Variants in PLCG2 observed in about 807,000 individuals in gnomAD.
The protein encoded by PLCG2 is phospholipase C gamma 2.
In PLCG2, 69 loss-of-function variants were observed where a neutral mutation model predicts 175.6. The observed-to-expected ratio is 0.39, with a 90% CI of 0.32 to 0.48. PLCG2 has a LOEUF of 0.48. Among genes scored for constraint, PLCG2 ranks in the 20% least tolerant of loss-of-function variants. The pLI is 0.91. For synonymous variants in PLCG2, 827 were observed against 624.0 expected (o/e 1.33, Z -4.85); for missense variants, 1,798 against 1,650.9 (o/e 1.09, Z -1.54).
chr16:81,942,377 C>G (rs1182428628), intron 30 of PLCG2, among the ~76,000 whole-genome samples: 2 of 152,206 alleles, frequency 1.3e-5, no homozygotes, highest in African/African-American at 4.8e-5. Flanking sequence ...TGACCTTCTC[C>G]TCCCCCGACT....
rs1280598055 is a variant in PLCG2 at position 81,892,617 on chromosome 16, T to C, written c.986+1027T>C. 2.0e-5 allele frequency among the ~76,000 whole-genome samples: 3 copies of C among 151,980 alleles called. No individual in the cohort carries two copies. In the East Asian group the frequency reaches 5.9e-4, roughly 30 times the overall value. On this transcript the variant is annotated intron_variant, in intron 11 of 32. Transcript: ENST00000564138. Reference sequence around the variant, plus strand: ...GTTTGTGTTTCAGCATGGTGAATTCTAGAAAACCTAGAAGACAGTTAAGAA... The same window carrying C: ...GTTTGTGTTTCAGCATGGTGAATTCCAGAAAACCTAGAAGACAGTTAAGAA...
intron 5 of PLCG2, among the ~76,000 whole-genome samples, chr16:81,860,172 A>ATTTTT (rs1555513300): frequency 4.8e-4 from 58 of 120,612 alleles, no homozygotes; most frequent in South Asian, 3.2e-3. Context: ...TATTATTATT[A>ATTTTT]TTTTTTTTTT....
chr16:81,755,210 T>A (rs900328649), intron 1 of PLCG2, among the ~76,000 whole-genome samples: 12 of 151,890 alleles, frequency 7.9e-5, no homozygotes, highest in African/African-American at 2.9e-4. Flanking sequence ...ATATATATAT[T>A]TTTTGAGACA....
intron 2 of PLCG2, among the ~76,000 whole-genome samples, chr16:81,819,373 T>C (rs1278727339): frequency 6.6e-6 from 1 of 152,146 alleles, no homozygotes; most frequent in African/African-American, 2.4e-5. Flanking sequence ...GTACCAACCC[T>C]GTGAGGCGAG....
intron 2 of PLCG2, among the ~76,000 whole-genome samples, chr16:81,815,485 A>T (rs1300553338): frequency 1.3e-5 from 2 of 152,172 alleles, no homozygotes; most frequent in African/African-American, 4.8e-5. Flanking sequence ...CCTCATTTGC[A>T]TCTTTAACAC....
chr16:81,906,114 T>C (rs185613022), intron 15 of PLCG2: 1 of 152,228 alleles, frequency 6.6e-6, no homozygotes, highest in African/African-American at 2.4e-5. Flanking sequence ...ATAGTATAAT[T>C]AGCGCAATCA....
At chr16:81,921,015 G>C (rs1910038232) in intron 20 of PLCG2, among the ~76,000 whole-genome samples, 183 bp from the exon 21 acceptor site, 1 of 152,162 alleles carries the variant, frequency 6.6e-6, no homozygotes, top group Non-Finnish European at 1.5e-5. Context: ...TAGTTTCCAA[G>C]TCTGGGGACC....
intron 2 of PLCG2, among the ~76,000 whole-genome samples, chr16:81,843,309 C>G (rs189576306): frequency 2.0e-5 from 3 of 152,308 alleles, no homozygotes; most frequent in Admixed American, 2.0e-4. Flanking sequence ...TGGTGGAAAT[C>G]TTTTGGTACC....
At chr16:81,829,245 A>C (rs1474532626) in intron 2 of PLCG2, among the ~76,000 whole-genome samples, 1 of 152,102 alleles carries the variant, frequency 6.6e-6, no homozygotes, top group African/African-American at 2.4e-5. Flanking sequence ...AGTAGCTGGG[A>C]TTACATGCAC....
At chr16:81,872,066 C>T (rs531859829) in intron 7 of PLCG2, among the ~76,000 whole-genome samples, 2 of 152,248 alleles carry the variant, frequency 1.3e-5, no homozygotes, top group South Asian at 2.1e-4. Context: ...CAGTGGTTGA[C>T]GCCTGTAACC....
At chr16:81,835,112 T>A (rs1905447306) in intron 2 of PLCG2, among the ~76,000 whole-genome samples, 1 of 152,126 alleles carries the variant, frequency 6.6e-6, no homozygotes, top group Non-Finnish European at 1.5e-5. Flanking sequence ...GTCAGCTCTG[T>A]TATTGATTCA....
At chr16:81,749,415 T>C (rs1416057641) in intron 1 of PLCG2, among the ~76,000 whole-genome samples, 5 of 152,196 alleles carry the variant, frequency 3.3e-5, no homozygotes, top group Admixed American at 2.0e-4. Context: ...TGCAGTGGTG[T>C]GATCTTGGCT....
At chr16:81,786,239 A>C in intron 2 of PLCG2, 57 bp downstream of exon 2, 1 of 1,351,400 alleles carries the variant, frequency 7.4e-7, no homozygotes, top group Admixed American at 1.9e-5. Flanking sequence ...TGGCCTGAGC[A>C]CCTGTCCACC....
At position 81,935,723 on chromosome 16, in the gene PLCG2, C is replaced by T. The variant is rs556428054; in HGVS notation, c.2843-446C>T. 4.1e-6 allele frequency: 4 copies of T among 985,322 alleles called. No homozygotes were observed. In the East Asian group the frequency reaches 3.4e-4, roughly 84 times the overall value. The allele number at this position is 985,322 out of a possible 1,614,324, so 61.0% of individuals were successfully genotyped here. A position where few individuals can be genotyped will look rare whatever the true frequency, so the allele number is the denominator to read the frequency against. ...CTCTCCTCCTGTTCTCCCTTCCCTG[C>T]ACAGGCACCCACATTGCAACCCTAC... On this transcript the variant is annotated intron_variant, in intron 26 of 32. Transcript: ENST00000564138.
At chr16:81,909,309 G>C (rs1490546570) in intron 17 of PLCG2, among the ~76,000 whole-genome samples, 1 of 152,174 alleles carries the variant, frequency 6.6e-6, no homozygotes, top group East Asian at 1.9e-4. Flanking sequence ...TGTGAGTTGG[G>C]GGGATTTGTG....
chr16:81,767,998 T>C (rs145745650), intron 2 of PLCG2: 15 of 152,438 alleles, frequency 9.8e-5, no homozygotes, highest in African/African-American at 3.1e-4. Context: ...CAAGCGATTC[T>C]CCTTCCTCAG....
intron 31 of PLCG2, among the ~76,000 whole-genome samples, chr16:81,950,273 G>T (rs372926611): frequency 6.6e-6 from 1 of 152,142 alleles, no homozygotes; most frequent in African/African-American, 2.4e-5. Context: ...TGGGAAAATT[G>T]GGAAGGAAAA....
chr16:81,801,541 T>A (rs946416891), intron 2 of PLCG2, among the ~76,000 whole-genome samples: 3 of 152,206 alleles, frequency 2.0e-5, no homozygotes, highest in Non-Finnish European at 4.4e-5. Context: ...TGCTGGACAT[T>A]TAGGTTGTTT....
At chr16:81,903,385 G>T (rs1223286167) in intron 14 of PLCG2, among the ~76,000 whole-genome samples, 1 of 152,200 alleles carries the variant, frequency 6.6e-6, no homozygotes, top group African/African-American at 2.4e-5. Flanking sequence ...CCAGAGGAGG[G>T]GATGTTGGTG....
Sources: gnomAD v4.1 joint callset for allele counts (sites outside exome capture counted in the v4.1 genomes callset) on GRCh38, gnomAD v4.1.1 for gene constraint, MANE v1.5 for transcripts, NCBI Gene and HGNC (gene_info 2026-07-23, HGNC 2026-07-21) for gene names.